The following SELENON variants were observed in gnomAD, a reference collection of about 807,000 sequenced individuals.
SELENON encodes the protein selenoprotein N, 1.
A neutral mutation model predicts 59.5 loss-of-function variants in SELENON; 44 were observed. The observed-to-expected ratio is 0.74, with a 90% CI of 0.58 to 0.95. The LOEUF (loss-of-function observed/expected upper bound fraction) is 0.95. Ranked by LOEUF, SELENON falls within the 40% of genes least tolerant of loss-of-function variation. The pLI, the probability that SELENON is intolerant of heterozygous loss-of-function variation, is 0.00. For synonymous variants in SELENON, 320 were observed against 305.6 expected (o/e 1.05, Z -0.49); for missense variants, 674 against 721.4 (o/e 0.93, Z 0.75).
chr1:25,810,748 C>T (rs2047950987), intron 7 of SELENON, among the ~76,000 whole-genome samples: 1 of 152,176 alleles, frequency 6.6e-6, no homozygotes, highest in Non-Finnish European at 1.5e-5. Flanking sequence ...AGGGGCTTCC[C>T]GGTCAAAGGG....
rs770747626 is a variant in SELENON at position 25,811,745 on chromosome 1, GGCA to G, written c.1151_1153del (p.Ser384del). The G allele has an allele frequency of 9.5e-5, 152 of 1,602,196 alleles. No individual in the cohort carries two copies. Among genetic ancestry groups the G allele is most frequent in the Admixed American group, 2.1e-4 (12 of 56,972 alleles). On this transcript the variant is annotated inframe_deletion, in exon 9 of 13. Coordinates refer to ENST00000361547, the MANE Select transcript of SELENON (RefSeq NM_020451.3). ...GCCCTCCGTGATCCTGGATGAGGAT[GGCA>G]GCATGATCGACAGCCACCTGCCTTC... is the stretch of plus-strand genomic sequence containing the variant.
intron 7 of SELENON, among the ~76,000 whole-genome samples, 176 bp downstream of exon 6, chr1:25,809,996 A>T (rs1250221423): frequency 6.6e-6 from 1 of 152,016 alleles, no homozygotes; most frequent in African/African-American, 2.4e-5. Context: ...TGAGCTGATC[A>T]CCCACCAGCT....
rs2048004788 is a variant in SELENON at position 25,815,662 on chromosome 1, T to G, written c.1717T>G (p.Tyr573Asp). The change falls in exon 13 of 13, where the codon TAC (tyrosine) becomes GAC (aspartate). Residue 573 changes from tyrosine (Y) to aspartate (D), a missense_variant. Coordinates refer to ENST00000361547, the MANE Select transcript of SELENON (RefSeq NM_020451.3). Reference sequence around the variant, plus strand: ...CTTTGAAGACCCGTCCACGGCCACCTACATGCAGTTCCTGAAGGAGGGACT... The same window carrying G: ...CTTTGAAGACCCGTCCACGGCCACCGACATGCAGTTCCTGAAGGAGGGACT... 1.3e-5 allele frequency: 21 copies of G among 1,614,060 alleles called. No homozygotes were observed. Among genetic ancestry groups the G allele is most frequent in the Non-Finnish European group, 1.8e-5 (21 of 1,180,024 alleles).
Position 25,808,601 on chromosome 1 carries a change from G to T in SELENON, c.559G>T (p.Gly187Cys). 7 of 1,613,618 alleles carry T rather than the reference G, an allele frequency of 4.3e-6. No individual in the cohort carries two copies. Among genetic ancestry groups the T allele is most frequent in the Non-Finnish European group, 5.9e-6 (7 of 1,179,880 alleles). Residue 187 changes from glycine to cysteine, a missense_variant, in exon 5 of 13, where the codon GGC (glycine) becomes TGC (cysteine). Physicochemically the swap from Gly to Cys is radical, Grantham distance 159. Coordinates refer to ENST00000361547, the MANE Select transcript of SELENON (RefSeq NM_020451.3). The stretch of plus-strand genomic sequence containing the variant: ...CCAGGTCTCCCGCCTCGCCCTGTCC[G>T]GCCTCCGAAACTGGACAGCCGCCGC...
At chr1:25,808,944 C>T (rs1055616743) in intron 5 of SELENON, 82 bp from the exon 5 acceptor site, 8 of 1,608,006 alleles carry the variant, frequency 5.0e-6, no homozygotes, top group African/African-American at 4.0e-5. Context: ...CCTGGGCCGT[C>T]GGGTCTGGGC....
chr1:25,806,852 C>G (rs956514339), intron 4 of SELENON, among the ~76,000 whole-genome samples: 1 of 138,648 alleles, frequency 7.2e-6, no homozygotes, highest in African/African-American at 2.7e-5. Flanking sequence ...GACGGAGTCT[C>G]GCTCTGTCGC....
chr1:25,807,809 C>T lies in SELENON; in HGVS notation c.538-771C>T, dbSNP rs1429784642. ...AATCTGCTGTTCCCCAAATGCTGGCCGACGTGTAGACAGCTCTGTGGTCTC... is the reference window on the plus strand; with the variant it reads ...AATCTGCTGTTCCCCAAATGCTGGCTGACGTGTAGACAGCTCTGTGGTCTC... On this transcript the variant is annotated intron_variant, in intron 4 of 12. Transcript: ENST00000361547. This position sits in a 1 kb window ranked among gnomAD's most constrained non-coding sequence, Gnocchi z 4.5. 6.6e-6 allele frequency among the ~76,000 whole-genome samples: 1 copy of T among 152,144 alleles called. No individual in the cohort carries two copies. Among genetic ancestry groups the T allele is most frequent in the Non-Finnish European group, 1.5e-5 (1 of 68,018 alleles).
chr1:25,800,863 A>T (rs2047854912), intron 1 of SELENON, among the ~76,000 whole-genome samples, 180 bp from the exon 2 acceptor site: 1 of 152,048 alleles, frequency 6.6e-6, no homozygotes, highest in Non-Finnish European at 1.5e-5. Context: ...AGCAGGGACC[A>T]GGAGGGACTG....
intron 10 of SELENON, 120 bp from the exon 10 acceptor site, chr1:25,813,761 T>A: frequency 5.1e-6 from 4 of 780,142 alleles, no homozygotes; most frequent in Non-Finnish European, 9.3e-6. Flanking sequence ...CCTCAGGCTC[T>A]TTGAATCTGT....
At chr1:25,812,605 A>ACACG in intron 9 of SELENON, 82 bp from the exon 9 acceptor site, 1 of 879,644 alleles carries the variant, frequency 1.1e-6, no homozygotes, top group Non-Finnish European at 1.8e-6. Flanking sequence ...ACACACACAC[A>ACACG]CTTGCACACA....
chr1:25,800,432 T>C lies in SELENON; in HGVS notation c.183+19T>C. The C allele has an allele frequency of 9.2e-7, 1 of 1,092,726 alleles. No homozygotes were observed. Among genetic ancestry groups the C allele is most frequent in the Non-Finnish European group, 1.1e-6 (1 of 897,678 alleles). The allele number at this position is 1,092,726 out of a possible 1,614,324, so 67.7% of individuals were successfully genotyped here. On this transcript the variant is annotated intron_variant, in intron 1 of 12. Transcript: ENST00000361547. ...GCGGCAGGTCCGGGCCCGAGCTGGC[T>C]GGGGCGGGAGCGCGGGAGCGGGGAC...
At chr1:25,803,050 A>G (rs1474025539) in intron 3 of SELENON, among the ~76,000 whole-genome samples, 2 of 152,160 alleles carry the variant, frequency 1.3e-5, no homozygotes, top group East Asian at 3.9e-4. Flanking sequence ...TGGATGAAAA[A>G]TGCTAATGAG....
chr1:25,815,181 T>C (rs917735697), intron 12 of SELENON, among the ~76,000 whole-genome samples: 1 of 151,768 alleles, frequency 6.6e-6, no homozygotes, highest in Non-Finnish European at 1.5e-5. Flanking sequence ...GAGAGGCCCA[T>C]TGAATGTGAG....
At position 25,812,768 on chromosome 1, in the gene SELENON, G is replaced by T. The variant is rs374687219; in HGVS notation, c.1363G>T (p.Ala455Ser). The T allele has an allele frequency of 2.0e-5, 32 of 1,613,398 alleles. No homozygotes were observed. In the African/African-American group the frequency reaches 3.7e-4, roughly 19 times the overall value. The change falls in exon 10 of 13, where the codon GCC becomes TCC. Residue 455 changes from alanine (A) to serine (S), a missense_variant. Coordinates refer to ENST00000361547, the MANE Select transcript of SELENON (RefSeq NM_020451.3). ...GGTGCACTCAATCCTGCTGTGGGGG[G>T]CCCTGGATGACCAGTCCTGCTGAGG...
intron 10 of SELENON, 98 bp from the exon 10 acceptor site, chr1:25,813,783 G>T: frequency 1.2e-6 from 1 of 847,692 alleles, no homozygotes. Flanking sequence ...ATTTCACTTG[G>T]GTGCAGAGAC....
chr1:25,814,216 C>A (rs779341208), intron 12 of SELENON, 38 bp downstream of exon 11: 131 of 1,560,452 alleles, frequency 8.4e-5, no homozygotes, highest in Non-Finnish European at 1.1e-4. Flanking sequence ...GGCCCAGGCA[C>A]CTCGGGGCCC....
chr1:25,808,847 C>A, intron 5 of SELENON, 58 bp downstream of exon 4: 15 of 1,598,008 alleles, frequency 9.4e-6, no homozygotes, highest in Non-Finnish European at 1.3e-5. Context: ...GAGTGGCCAC[C>A]CCTCTGTCTG....
Position 25,815,808 on chromosome 1 carries a change from C to A in SELENON, c.*90C>A. On this transcript the variant is annotated 3_prime_UTR_variant, in exon 13 of 13. Transcript: ENST00000361547. ...TTTCAGACTGCAGATGCCGCCCACT[C>A]CCACCCCACTCCTAGGCTGCCTTGG... 1 of 1,369,324 alleles carries A rather than the reference C, an allele frequency of 7.3e-7. No homozygotes were observed. The allele number at this position is 1,369,324 out of a possible 1,614,324, so 84.8% of individuals were successfully genotyped here.
At position 25,811,951 on chromosome 1, in the gene SELENON, T is replaced by A. The variant is rs1233691871; in HGVS notation, c.1281+72T>A. ...AGGCTGGGAGCTGTGGAGCAGCAGCTGGGCACAGACGCTGGTATGTGTGCA... is the reference window on the plus strand; with the variant it reads ...AGGCTGGGAGCTGTGGAGCAGCAGCAGGGCACAGACGCTGGTATGTGTGCA... On this transcript the variant is annotated intron_variant, in intron 9 of 12. Transcript: ENST00000361547. 6.1e-6 allele frequency: 9 copies of A among 1,467,250 alleles called. No individual in the cohort carries two copies. In the Admixed American group the frequency reaches 1.8e-4, roughly 29 times the overall value. The allele number at this position is 1,467,250 out of a possible 1,614,324, so 90.9% of individuals were successfully genotyped here.
Sources: allele counts gnomAD v4.1 joint callset (sites outside exome capture counted in the v4.1 genomes callset), GRCh38; gene constraint gnomAD v4.1.1; non-coding constraint Gnocchi (gnomAD v3.1); transcripts MANE v1.5; gene names NCBI Gene and HGNC (gene_info 2026-07-23, HGNC 2026-07-21).